TLL1: variants seen among roughly 807,000 people sequenced by gnomAD.
TLL1 encodes the protein tolloid-like protein 1.
In TLL1, 49 loss-of-function variants were observed where a neutral mutation model predicts 128.2. That is an observed-to-expected ratio of 0.38 (90% CI 0.30 to 0.48). TLL1 has a LOEUF of 0.48. Ranked by LOEUF, TLL1 falls within the 20% of genes least tolerant of loss-of-function variation. The pLI is 0.96. For missense variants in TLL1, 1,123 were observed against 1,242.0 expected (o/e 0.90, Z 1.44); for synonymous variants, 454 against 418.8 (o/e 1.08, Z -1.03).
chr4:166,016,336 G>A (rs997273500), intron 8 of TLL1, among the ~76,000 whole-genome samples: 7 of 152,078 alleles, frequency 4.6e-5, no homozygotes, highest in Admixed American at 1.3e-4. Flanking sequence ...TTGATTAACA[G>A]CAACTAAATA....
chr4:166,038,956 GA>G (rs550827418), intron 9 of TLL1, among the ~76,000 whole-genome samples: 60 of 152,116 alleles, frequency 3.9e-4, no homozygotes, highest in Admixed American at 1.2e-3. Context: ...AGACTTTCAT[GA>G]AAAAAATAGA....
intron 1 of TLL1, among the ~76,000 whole-genome samples, chr4:165,918,348 G>A (rs925428744): frequency 1.3e-5 from 2 of 152,262 alleles, no homozygotes; most frequent in South Asian, 4.1e-4. Context: ...TGGAGTCAAG[G>A]AAGATGCTTT....
At chr4:166,097,431 G>A (rs1742075645) in intron 19 of TLL1, among the ~76,000 whole-genome samples, 1 of 152,068 alleles carries the variant, frequency 6.6e-6, no homozygotes, top group Non-Finnish European at 1.5e-5. Context: ...TTGGAAGATG[G>A]AGGGACATTT....
intron 1 of TLL1, among the ~76,000 whole-genome samples, chr4:165,959,657 T>C (rs1216484381): frequency 6.6e-6 from 1 of 152,090 alleles, no homozygotes; most frequent in Admixed American, 6.6e-5. Flanking sequence ...TGGACCACAG[T>C]GCAATAAAAA....
intron 1 of TLL1, among the ~76,000 whole-genome samples, chr4:165,900,508 G>A (rs552196298): frequency 3.9e-4 from 60 of 152,256 alleles, no homozygotes; most frequent in Non-Finnish European, 6.9e-4. Context: ...TAGTTTGGCT[G>A]GATATGAAAT....
intron 1 of TLL1, among the ~76,000 whole-genome samples, chr4:165,949,243 A>G (rs1734396936): frequency 2.6e-5 from 4 of 152,104 alleles, no homozygotes; most frequent in Admixed American, 1.3e-4. Flanking sequence ...CAGCCAGTGA[A>G]GAAACCAGGC....
chr4:165,994,392 A>G lies in TLL1; in HGVS notation c.373A>G (p.Asn125Asp). 1 of 1,614,034 alleles carries G rather than the reference A, an allele frequency of 6.2e-7. No homozygotes were observed. The highest frequency in any genetic ancestry group is 1.7e-5 in the Admixed American group (1 of 60,004). ...AAATGTCACTGCAGGCTTGGAGCAA[A>G]ACAACACAGTTAAGGGAAAAGTACC... ...IRRIGFGLEQNNTVKGKVPLQ... is the reference protein window; with the variant it reads ...IRRIGFGLEQDNTVKGKVPLQ... The change falls in exon 4 of 21, where the codon AAC becomes GAC. Residue 125 changes from asparagine (N) to aspartate (D), a missense_variant. Asn to Asp is a conservative substitution (Grantham distance 23, BLOSUM62 1). Transcript: ENST00000061240.
chr4:166,088,921 T>A (rs1195703802), intron 18 of TLL1, among the ~76,000 whole-genome samples: 1 of 152,120 alleles, frequency 6.6e-6, no homozygotes, highest in Non-Finnish European at 1.5e-5. Context: ...ATTCATTCAG[T>A]CTTCAATGGA....
chr4:165,944,059 A>G (rs1734135239), intron 1 of TLL1, among the ~76,000 whole-genome samples: 6 of 152,166 alleles, frequency 3.9e-5, no homozygotes, highest in Non-Finnish European at 1.5e-5. Flanking sequence ...TTGGAAGTAC[A>G]TGTAGCATTT....
chr4:165,981,395 A>C (rs2110996787), intron 1 of TLL1, among the ~76,000 whole-genome samples: 1 of 152,244 alleles, frequency 6.6e-6, no homozygotes, highest in Middle Eastern at 3.4e-3. Context: ...GTGGAAAATT[A>C]AAGTTCTATC....
chr4:165,911,864 G>GT (rs1440831962), intron 1 of TLL1, among the ~76,000 whole-genome samples: 1 of 151,908 alleles, frequency 6.6e-6, no homozygotes, highest in Non-Finnish European at 1.5e-5. Flanking sequence ...AGTCAATGGT[G>GT]TTTTTTTGTT....
intron 1 of TLL1, among the ~76,000 whole-genome samples, chr4:165,959,576 C>A (rs1734993146): frequency 6.6e-6 from 1 of 152,026 alleles, no homozygotes; most frequent in Non-Finnish European, 1.5e-5. Context: ...ACTTGAAGAT[C>A]AACCACATGC....
chr4:165,904,694 A>G (rs1379128716), intron 1 of TLL1, among the ~76,000 whole-genome samples: 8 of 152,210 alleles, frequency 5.3e-5, no homozygotes, highest in Admixed American at 5.2e-4. Context: ...TTCTAATTTC[A>G]CAAATTATTT....
intron 15 of TLL1, among the ~76,000 whole-genome samples, 157 bp downstream of exon 15, chr4:166,060,345 T>C (rs1431625802): frequency 1.3e-5 from 2 of 152,148 alleles, no homozygotes; most frequent in Non-Finnish European, 2.9e-5. Flanking sequence ...ATGAATCTCG[T>C]TGGCATTGGA....
At chr4:166,030,422 T>C (rs1278882376) in intron 9 of TLL1, 5 of 548,234 alleles carry the variant, frequency 9.1e-6, no homozygotes, top group Non-Finnish European at 1.7e-5. Flanking sequence ...ATTAGAGATA[T>C]GATTTGCATA....
intron 12 of TLL1, chr4:166,044,570 AT>A (rs140761984): frequency 0.3 from 188,524 of 624,978 alleles, 25,983 homozygotes; most frequent in South Asian, 0.35. Flanking sequence ...GCTCCAGACC[AT>A]TTTTTTTTTG....
Position 166,055,154 on chromosome 4 carries a change from C to T in TLL1, c.1603C>T (p.Arg535Cys), listed in dbSNP as rs746485015. 7.4e-6 allele frequency: 12 copies of T among 1,613,198 alleles called. No individual in the cohort carries two copies. The highest frequency in any genetic ancestry group is 4.0e-5 in the African/African-American group (3 of 74,874). Residue 535 changes from arginine to cysteine, a missense_variant, in exon 13 of 21, where the codon CGT (arginine) becomes TGT (cysteine). Arg to Cys is a radical substitution (Grantham distance 180). Around this residue, in one of 3 missense-constraint regions of TLL1, gnomAD observed 634 missense variants for 672.4 expected, o/e 0.94. Coordinates refer to ENST00000061240, the MANE Select transcript of TLL1 (RefSeq NM_012464.5). Reference sequence around the variant, plus strand: ...CAGTGAAAATAGCCCTTTGATAGGGCGTTTCTGTGGTTATGACAAACCTGA... The same window carrying T: ...CAGTGAAAATAGCCCTTTGATAGGGTGTTTCTGTGGTTATGACAAACCTGA... Reference protein sequence around the residue: ...GTSENSPLIGRFCGYDKPEDI... With the variant: ...GTSENSPLIGCFCGYDKPEDI...
rs188613403 is a variant in TLL1, at chr4:165,896,607, C to T, written c.169+22534C>T. 1.6e-3 allele frequency among the ~76,000 whole-genome samples: 244 copies of T among 151,498 alleles called. 2 individuals carry two copies. The highest frequency in any genetic ancestry group is 5.7e-3 in the African/African-American group (234 of 41,318). On this transcript the variant is annotated intron_variant, in intron 1 of 20. Transcript: ENST00000061240. The stretch of plus-strand genomic sequence containing the variant: ...ACACCATTCTCCTGCCTCAGCCTCC[C>T]AAGTAGTTGGGATTACAGGCACCCA...
chr4:165,963,853 G>C (rs2110964889), intron 1 of TLL1, among the ~76,000 whole-genome samples: 1 of 152,256 alleles, frequency 6.6e-6, no homozygotes, highest in South Asian at 2.1e-4. Flanking sequence ...TGTGGTTGGG[G>C]AGAAGTGGAA....
Sources: allele counts gnomAD v4.1 joint callset (sites outside exome capture counted in the v4.1 genomes callset), GRCh38; gene constraint gnomAD v4.1.1; regional missense constraint gnomAD v4.1.1; transcripts MANE v1.5; gene names NCBI Gene and HGNC (gene_info 2026-07-23, HGNC 2026-07-21).